Variants in ATM observed in about 807,000 individuals in gnomAD.
ATM encodes the protein serine-protein kinase ATM.
In ATM, 308 loss-of-function variants were observed where a neutral mutation model predicts 387.0. The observed-to-expected ratio is 0.80, with a 90% CI of 0.73 to 0.87. The LOEUF (loss-of-function observed/expected upper bound fraction) is 0.87. ATM is among the 40% of genes least tolerant of loss of function. The probability of loss-of-function intolerance (pLI) is 0.00; values close to 1 mark genes in which losing one functional copy is unlikely to be tolerated. For missense variants in ATM, 3,312 were observed against 3,560.9 expected (o/e 0.93, Z 1.78); for synonymous variants, 1,156 against 1,187.3 (o/e 0.97, Z 0.54).
At chr11:108,322,233 C>G (rs2085287124) in intron 45 of ATM, among the ~76,000 whole-genome samples, 1 of 152,134 alleles carries the variant, frequency 6.6e-6, no homozygotes, top group Non-Finnish European at 1.5e-5. Flanking sequence ...CAGCTCACTG[C>G]AGTCTCCACC....
intron 26 of ATM, among the ~76,000 whole-genome samples, chr11:108,286,765 C>T (rs189080993): frequency 1.1e-4 from 17 of 152,272 alleles, no homozygotes; most frequent in Admixed American, 1.1e-3. Context: ...TGCCCTGCCT[C>T]ATTTACGTTA....
chr11:108,242,119 T>C (rs1591494161), intron 5 of ATM, among the ~76,000 whole-genome samples: 1 of 151,340 alleles, frequency 6.6e-6, no homozygotes, highest in Admixed American at 6.6e-5. Context: ...CTTCCGTCTC[T>C]TAAAAAAACA....
chr11:108,297,098 T>C (rs1393909628), intron 32 of ATM, 189 bp from the exon 33 acceptor site: 1 of 577,536 alleles, frequency 1.7e-6, no homozygotes, highest in Non-Finnish European at 3.1e-6. Flanking sequence ...CTAATCACTT[T>C]CAAAAGAATC....
At chr11:108,289,536 A>G in intron 28 of ATM, 66 bp from the exon 29 acceptor site, 1 of 1,171,318 alleles carries the variant, frequency 8.5e-7, no homozygotes. Context: ...GAAAAAATAT[A>G]AAGTGTATTT....
At chr11:108,279,882 TA>T (rs965714540) in intron 23 of ATM, among the ~76,000 whole-genome samples, 7 of 152,178 alleles carry the variant, frequency 4.6e-5, no homozygotes, top group African/African-American at 1.4e-4. Flanking sequence ...TTTTTTATTT[TA>T]AAAATCCTTT....
chr11:108,223,092 A>T lies in ATM; in HGVS notation c.-125A>T. On this transcript the variant is annotated 5_prime_UTR_variant, in exon 1 of 63. Coordinates refer to ENST00000675843, the MANE Select transcript of ATM (RefSeq NM_000051.4). ...AGGTAGCTGCGTGGCTAACGGAGAAAAGAAGCCGTGGCCGCGGGAGGAGGC... is the reference window on the plus strand; with the variant it reads ...AGGTAGCTGCGTGGCTAACGGAGAATAGAAGCCGTGGCCGCGGGAGGAGGC... 1 of 180,790 alleles carries T rather than the reference A, an allele frequency of 5.5e-6. No homozygotes were observed. Among genetic ancestry groups the T allele is most frequent in the South Asian group, 9.5e-5 (1 of 10,554 alleles). The allele number at this position is 180,790 out of a possible 1,614,324, so 11.2% of individuals were successfully genotyped here. A position where few individuals can be genotyped will look rare whatever the true frequency, so the allele number is the denominator to read the frequency against.
At chr11:108,342,671 C>A (rs769875148) in intron 56 of ATM, among the ~76,000 whole-genome samples, 1 of 152,024 alleles carries the variant, frequency 6.6e-6, no homozygotes, top group Non-Finnish European at 1.5e-5. Context: ...ATTTTCTATA[C>A]TTTATGTATG....
chr11:108,275,938 A>G (rs181286745), intron 22 of ATM, among the ~76,000 whole-genome samples: 29 of 151,892 alleles, frequency 1.9e-4, no homozygotes, highest in Non-Finnish European at 2.7e-4. Context: ...AGTTCTGATA[A>G]TATCCTGAAG....
At chr11:108,225,723 A>C (rs1010814598) in intron 1 of ATM, 2 of 152,164 alleles carry the variant, frequency 1.3e-5, no homozygotes, top group African/African-American at 4.8e-5. Flanking sequence ...TGGAACGCCC[A>C]CCTCGGCCTC....
chr11:108,308,631 T>A (rs187869779), intron 38 of ATM: 14 of 210,056 alleles, frequency 6.7e-5, no homozygotes, highest in Non-Finnish European at 9.7e-6. Flanking sequence ...GGCCTATAAT[T>A]TGAATAGGTA....
At chr11:108,339,895 T>C (rs925357411) in intron 56 of ATM, among the ~76,000 whole-genome samples, 6 of 152,110 alleles carry the variant, frequency 3.9e-5, no homozygotes, top group Non-Finnish European at 5.9e-5. Context: ...AGAATACTTA[T>C]TAGGCAGGAA....
At position 108,302,779 on chromosome 11, in the gene ATM, T is replaced by A. The variant is rs56260201; in HGVS notation, c.5320-74T>A. On this transcript the variant is annotated intron_variant, in intron 35 of 62. Coordinates refer to ENST00000675843, the MANE Select transcript of ATM (RefSeq NM_000051.4). ...TAGCTTTATTCAGAAAGATTTGTTATACTCATTTTGTGTAGGAAAGGTACA... is the reference window on the plus strand; with the variant it reads ...TAGCTTTATTCAGAAAGATTTGTTAAACTCATTTTGTGTAGGAAAGGTACA... 3.7e-6 allele frequency: 5 copies of A among 1,359,140 alleles called. No homozygotes were observed. In the African/African-American group the frequency reaches 7.3e-5, roughly 20 times the overall value. 84.2% of individuals were successfully genotyped at this position (1,359,140 alleles called of 1,614,324 possible).
rs780844407 is a variant in ATM, at chr11:108,332,889, A to G, written c.7916A>G (p.Lys2639Arg). ...GCAAACTTAGATGCCACTCAGTGGAAGACTCAGAGAAGTATGTTTTTTTTA... is the reference window on the plus strand; with the variant it reads ...GCAAACTTAGATGCCACTCAGTGGAGGACTCAGAGAAGTATGTTTTTTTTA... ...ILANLDATQW[K>R]TQRKGINIPA... is the part of the protein sequence containing the mutation. Residue 2639 changes from lysine (K) to arginine (R), a missense_variant, in exon 53 of 63, where the codon AAG becomes AGG. Transcript: ENST00000675843. 1 of 1,612,600 alleles carries G rather than the reference A, an allele frequency of 6.2e-7. No homozygotes were observed. Among genetic ancestry groups the G allele is most frequent in the South Asian group, 1.1e-5 (1 of 91,072 alleles).
chr11:108,252,828 A>G lies in ATM; in HGVS notation c.1814A>G (p.His605Arg), dbSNP rs771877351. Residue 605 changes from histidine (H) to arginine (R), a missense_variant, in exon 12 of 63, where the codon CAT becomes CGT. Coordinates refer to ENST00000675843, the MANE Select transcript of ATM (RefSeq NM_000051.4). ...GTTTTTCTTTGTAGTAATTTTCCTC[A>G]TCTTGTACTGGAGAAAATTCTTGTG... ...VPPILHSNFPHLVLEKILVSL... is the reference protein window; with the variant it reads ...VPPILHSNFPRLVLEKILVSL... 7.4e-6 allele frequency: 12 copies of G among 1,610,870 alleles called. No homozygotes were observed. The highest frequency in any genetic ancestry group is 5.1e-6 in the Non-Finnish European group (6 of 1,177,612).
chr11:108,310,765 T>C (rs2084086613), intron 39 of ATM, among the ~76,000 whole-genome samples: 1 of 152,198 alleles, frequency 6.6e-6, no homozygotes, highest in Non-Finnish European at 1.5e-5. Flanking sequence ...ATAATGTGAC[T>C]GATTTATTTC....
Position 108,333,915 on chromosome 11 carries a change from A to C in ATM, c.7957A>C (p.Ile2653Leu). 6.2e-7 allele frequency: 1 copy of C among 1,611,346 alleles called. No individual in the cohort carries two copies. Among genetic ancestry groups the C allele is most frequent in the Non-Finnish European group, 8.5e-7 (1 of 1,177,478 alleles). Reference sequence around the variant, plus strand: ...CATAAATATTCCAGCAGACCAGCCAATTACTAAACTTAAGAATTTAGAAGA... The same window carrying C: ...CATAAATATTCCAGCAGACCAGCCACTTACTAAACTTAAGAATTTAGAAGA... ...KGINIPADQP[I>L]TKLKNLEDVV... The change falls in exon 54 of 63, where the codon ATT becomes CTT. Residue 2653 changes from isoleucine (I) to leucine (L), a missense_variant. Physicochemically the swap from Ile to Leu is conservative, Grantham distance 5. This residue lies in a region of ATM where 1,405 missense variants were observed against 1,604.4 expected (regional missense o/e 0.88). Coordinates refer to ENST00000675843, the MANE Select transcript of ATM (RefSeq NM_000051.4).
At chr11:108,318,796 G>T (rs115272498) in intron 43 of ATM, among the ~76,000 whole-genome samples, 1,545 of 152,096 alleles carry the variant, frequency 0.01, 36 homozygotes, top group African/African-American at 0.034. Flanking sequence ...TCTAATAAAG[G>T]ATTTCATATT....
intron 18 of ATM, 134 bp downstream of exon 18, chr11:108,268,743 T>C: frequency 1.0e-6 from 1 of 980,104 alleles, no homozygotes. Flanking sequence ...AACCTGAGAC[T>C]AGTTGGAAAA....
chr11:108,306,068 TTC>T (rs1460613828), intron 37 of ATM, among the ~76,000 whole-genome samples: 1 of 152,232 alleles, frequency 6.6e-6, no homozygotes, highest in East Asian at 1.9e-4. Context: ...TTCCAATTGT[TTC>T]TTTTAGTTTT....
Sources: allele counts gnomAD v4.1 joint callset (sites outside exome capture counted in the v4.1 genomes callset), GRCh38; gene constraint gnomAD v4.1.1; regional missense constraint gnomAD v4.1.1; transcripts MANE v1.5; gene names NCBI Gene and HGNC (gene_info 2026-07-23, HGNC 2026-07-21).